The following RARB variants were observed in gnomAD, a reference collection of about 807,000 sequenced individuals.
RARB encodes retinoic acid receptor beta, also known as HBV-activated protein.
Under a neutral mutation model 51.9 loss-of-function variants are expected in RARB, and 17 were observed. The ratio of observed to expected loss-of-function variants is 0.33; its 90% CI spans 0.22 to 0.49. The LOEUF (loss-of-function observed/expected upper bound fraction) is 0.49. RARB is among the 20% of genes least tolerant of loss of function. RARB has a pLI of 0.99. For synonymous variants in RARB, 215 were observed against 195.4 expected (o/e 1.10, Z -0.84); for missense variants, 369 against 550.8 (o/e 0.67, Z 3.30).
intron 2 of RARB, among the ~76,000 whole-genome samples, chr3:25,497,086 G>A (rs183576822): frequency 2.2e-4 from 34 of 152,252 alleles, no homozygotes; most frequent in African/African-American, 6.5e-4. Flanking sequence ...CTTTCTCCAC[G>A]TTGGTCAGGC....
intron 4 of RARB, among the ~76,000 whole-genome samples, chr3:25,151,837 C>T (rs1700292276): frequency 6.6e-6 from 1 of 152,174 alleles, no homozygotes; most frequent in Admixed American, 6.5e-5. Context: ...GAAAACATAA[C>T]ACTGAGAAAG....
intron 5 of RARB, among the ~76,000 whole-genome samples, chr3:25,282,009 C>T (rs1226029998): frequency 3.3e-5 from 5 of 151,934 alleles, no homozygotes; most frequent in African/African-American, 1.2e-4. Context: ...TGGGTGGGTG[C>T]AAATACAAAA....
chr3:25,400,408 A>T (rs1707232842), intron 5 of RARB, among the ~76,000 whole-genome samples: 1 of 152,224 alleles, frequency 6.6e-6, no homozygotes, highest in African/African-American at 2.4e-5. Flanking sequence ...GTGGGGAATA[A>T]GGAACTGTTT....
At chr3:25,074,974 T>C (rs1442805837) in intron 3 of RARB, among the ~76,000 whole-genome samples, 1 of 152,196 alleles carries the variant, frequency 6.6e-6, no homozygotes. Flanking sequence ...TCATGACATC[T>C]CAGCAAAGAA....
At chr3:25,579,812 G>C (rs1019229697) in intron 4 of RARB, among the ~76,000 whole-genome samples, 2 of 152,196 alleles carry the variant, frequency 1.3e-5, no homozygotes, top group Non-Finnish European at 2.9e-5. Context: ...TAGAGTCTCA[G>C]TCAGATTCAA....
chr3:24,996,594 T>G (rs1423761412), intron 2 of RARB, among the ~76,000 whole-genome samples: 1 of 152,186 alleles, frequency 6.6e-6, no homozygotes, highest in Non-Finnish European at 1.5e-5. Context: ...TTTATTGCTA[T>G]AAACTTGCCT....
At chr3:25,296,858 C>T (rs1056355765) in intron 5 of RARB, among the ~76,000 whole-genome samples, 21 of 152,292 alleles carry the variant, frequency 1.4e-4, no homozygotes, top group Middle Eastern at 3.4e-3. Context: ...GCATGCTATC[C>T]TAGCAGTGCT....
chr3:25,222,210 C>G (rs1387431186), intron 5 of RARB, among the ~76,000 whole-genome samples: 1 of 152,194 alleles, frequency 6.6e-6, no homozygotes, highest in Non-Finnish European at 1.5e-5. Flanking sequence ...TATATGATGA[C>G]TGCAACCTAA....
intron 5 of RARB, among the ~76,000 whole-genome samples, chr3:25,364,764 T>G (rs887681065): frequency 2.0e-5 from 3 of 152,208 alleles, no homozygotes; most frequent in Admixed American, 6.5e-5. Flanking sequence ...TACCAGCAAT[T>G]CAATATATAA....
chr3:25,463,770 T>C (rs1032962966), intron 2 of RARB, among the ~76,000 whole-genome samples: 2 of 152,186 alleles, frequency 1.3e-5, no homozygotes, highest in African/African-American at 4.8e-5. Context: ...ATATGTATTA[T>C]GGTTTATGAA....
intron 5 of RARB, among the ~76,000 whole-genome samples, chr3:25,592,262 G>A (rs1701641286): frequency 6.6e-6 from 1 of 152,174 alleles, no homozygotes. Context: ...ACACTGAGGT[G>A]GACATTCACA....
intron 2 of RARB, among the ~76,000 whole-genome samples, chr3:24,874,309 T>G (rs1330183137): frequency 6.6e-6 from 1 of 152,086 alleles, no homozygotes. Flanking sequence ...ATATACTGTT[T>G]TGTGCTAAGA....
chr3:25,281,292 A>C (rs1324894503), intron 5 of RARB, among the ~76,000 whole-genome samples: 1 of 152,156 alleles, frequency 6.6e-6, no homozygotes. Flanking sequence ...AACTGCCTAC[A>C]CCTTGCTAAC....
intron 3 of RARB, among the ~76,000 whole-genome samples, chr3:25,100,732 G>A (rs575571199): frequency 3.9e-5 from 6 of 152,232 alleles, no homozygotes; most frequent in South Asian, 4.1e-4. Context: ...CTGTGTTACC[G>A]TTCCATTTAT....
At chr3:24,980,537 T>G (rs2125425295) in intron 2 of RARB, among the ~76,000 whole-genome samples, 1 of 152,300 alleles carries the variant, frequency 6.6e-6, no homozygotes, top group Non-Finnish European at 1.5e-5. Context: ...ATTCGATCCT[T>G]TCTTCCACTT....
intron 2 of RARB, among the ~76,000 whole-genome samples, chr3:24,912,484 T>C (rs1033762075): frequency 3.9e-5 from 6 of 152,144 alleles, no homozygotes; most frequent in African/African-American, 1.4e-4. Context: ...AGATATAAGA[T>C]GAATTGGGTT....
intron 2 of RARB, among the ~76,000 whole-genome samples, chr3:24,935,049 ATTAACGTATGT>A (rs1377485447): frequency 2.0e-5 from 3 of 152,146 alleles, no homozygotes; most frequent in African/African-American, 7.2e-5. Flanking sequence ...CTATGATTGC[ATTAACGTATGT>A]TTTCCAGGGG....
At chr3:25,554,474 T>C (rs1699974265) in intron 3 of RARB, among the ~76,000 whole-genome samples, 1 of 152,084 alleles carries the variant, frequency 6.6e-6, no homozygotes, top group Non-Finnish European at 1.5e-5. Flanking sequence ...GTCCTGGCTC[T>C]TTTTGCGCTA....
chr3:24,833,592 C>A (rs944044358), intron 1 of RARB, among the ~76,000 whole-genome samples: 9 of 152,220 alleles, frequency 5.9e-5, no homozygotes, highest in African/African-American at 2.2e-4. Context: ...ACATTTTACA[C>A]ACAAAATTAA....
Sources: gnomAD v4.1 joint callset for allele counts (sites outside exome capture counted in the v4.1 genomes callset) on GRCh38, gnomAD v4.1.1 for gene constraint, MANE v1.5 for transcripts, NCBI Gene and HGNC (gene_info 2026-07-23, HGNC 2026-07-21) for gene names.